The following FBXL17 variants were observed in gnomAD, a reference collection of about 807,000 sequenced individuals.
FBXL17 encodes the protein F-box/LRR-repeat protein 17.
Under a neutral mutation model 66.2 loss-of-function variants are expected in FBXL17, and 22 were observed. That is an observed-to-expected ratio of 0.33 (90% CI 0.24 to 0.47). The LOEUF (loss-of-function observed/expected upper bound fraction) is 0.47, where lower values mean the gene tolerates loss of function less well. Ranked by LOEUF, FBXL17 falls within the 20% of genes least tolerant of loss-of-function variation. FBXL17 has a pLI of 1.00. For synonymous variants in FBXL17, 474 were observed against 400.5 expected (o/e 1.18, Z -2.19); for missense variants, 878 against 948.2 (o/e 0.93, Z 0.97).
chr5:108,073,519 A>G (rs1748421129), intron 6 of FBXL17, among the ~76,000 whole-genome samples: 1 of 152,182 alleles, frequency 6.6e-6, no homozygotes, highest in African/African-American at 2.4e-5. Flanking sequence ...AAAAATAACC[A>G]AAACTAAAAA....
chr5:108,101,595 C>T (rs1749603012), intron 6 of FBXL17, among the ~76,000 whole-genome samples: 1 of 152,136 alleles, frequency 6.6e-6, no homozygotes, highest in Non-Finnish European at 1.5e-5. Flanking sequence ...ATTGAGTTAC[C>T]TCTGTGCCTT....
chr5:108,177,414 T>G (rs466018), intron 6 of FBXL17, among the ~76,000 whole-genome samples: 106,205 of 152,072 alleles, frequency 0.7, 37,482 homozygotes, highest in East Asian at 0.93. Context: ...ATATCCCATA[T>G]GGAAAAGCAA....
chr5:108,271,060 C>T (rs1430248604), intron 4 of FBXL17, among the ~76,000 whole-genome samples: 2 of 139,894 alleles, frequency 1.4e-5, no homozygotes, highest in Non-Finnish European at 3.1e-5. Flanking sequence ...ATGATGAAGA[C>T]AAATGATTTA....
Position 108,097,650 on chromosome 5 carries a change from G to A in FBXL17, c.1746-76649C>T, listed in dbSNP as rs12109600. Among the ~76,000 whole-genome samples, 1,410 of 152,122 alleles carry A rather than the reference G, an allele frequency of 9.3e-3. 16 individuals are homozygous for A. Among genetic ancestry groups the A allele is most frequent in the African/African-American group, 0.032 (1,345 of 41,516 alleles). ...CTAAAAACACAAAAATTAGCCGGGC[G>A]TGGTGGTGCACGCCTGTAATCCCAG... On this transcript the variant is annotated intron_variant, in intron 6 of 8. Transcript: ENST00000542267.
chr5:108,346,692 G>A (rs573793975), intron 4 of FBXL17, among the ~76,000 whole-genome samples: 155 of 152,232 alleles, frequency 1.0e-3, no homozygotes, highest in African/African-American at 3.5e-3. Flanking sequence ...TCTCCTGTAA[G>A]TCAGACTTCG....
intron 4 of FBXL17, among the ~76,000 whole-genome samples, chr5:108,304,614 C>CA: frequency 6.6e-6 from 1 of 152,006 alleles, no homozygotes; most frequent in Non-Finnish European, 1.5e-5. Flanking sequence ...CACCTATCTG[C>CA]AAGCCCTTTG....
At chr5:107,941,249 T>C (rs1031314498) in intron 7 of FBXL17, among the ~76,000 whole-genome samples, 1 of 152,166 alleles carries the variant, frequency 6.6e-6, no homozygotes, top group African/African-American at 2.4e-5. Flanking sequence ...TGAAAAGCCA[T>C]GGCATTTAAT....
chr5:107,965,607 CA>C (rs764404712), intron 7 of FBXL17, among the ~76,000 whole-genome samples: 36 of 152,096 alleles, frequency 2.4e-4, no homozygotes, highest in Non-Finnish European at 4.4e-4. Context: ...CATGCAAATG[CA>C]AAGCAGCTGG....
rs1301469524 is a variant in FBXL17, at chr5:108,286,922, G to GA, written c.1506+61476dup. 2.6e-5 allele frequency among the ~76,000 whole-genome samples: 4 copies of GA among 151,698 alleles called. No individual in the cohort carries two copies. In the South Asian group the frequency reaches 6.2e-4, roughly 24 times the overall value. ...TAACCAAAACAGCATTATACTGGTA[G>GA]AAAAAAGACACACAGACAAATGGAA... On this transcript the variant is annotated intron_variant, in intron 4 of 8. Coordinates refer to ENST00000542267, the MANE Select transcript of FBXL17 (RefSeq NM_001163315.3).
chr5:108,277,706 T>C (rs1219760554), intron 4 of FBXL17, among the ~76,000 whole-genome samples: 1 of 152,140 alleles, frequency 6.6e-6, no homozygotes, highest in Non-Finnish European at 1.5e-5. Context: ...TAACTTCCCC[T>C]AAAAAACAAA....
At chr5:108,354,656 A>C (rs1279705628) in intron 3 of FBXL17, among the ~76,000 whole-genome samples, 1 of 151,914 alleles carries the variant, frequency 6.6e-6, no homozygotes, top group Non-Finnish European at 1.5e-5. Context: ...ATGAAGGAAA[A>C]CTGCAAACAA....
chr5:107,867,470 C>T (rs538633336), intron 8 of FBXL17, among the ~76,000 whole-genome samples: 4 of 152,318 alleles, frequency 2.6e-5, no homozygotes, highest in Middle Eastern at 3.4e-3. Flanking sequence ...GGACGTGAGT[C>T]GGTTTCCAAA....
At chr5:108,376,413 T>G (rs1010227519) in intron 1 of FBXL17, among the ~76,000 whole-genome samples, 3 of 152,190 alleles carry the variant, frequency 2.0e-5, no homozygotes, top group Non-Finnish European at 4.4e-5. Context: ...TTAGAGCTAA[T>G]AAGCAAATAT....
rs1749793578 is a variant in FBXL17 at position 108,380,750 on chromosome 5, C to A, written c.942G>T (p.Pro314=). Residue 314 remains proline (P), a synonymous_variant, in exon 1 of 9, where the codon CCG becomes CCT. Transcript: ENST00000542267. ...GGTTGATGTCTGGGGTTTCGGGGGG[C>A]GGCTCCCTGTGACAGTCGCAGGGGT... is the stretch of plus-strand genomic sequence containing the variant. ...PENPCDCHRE[P]PPETPDINQL... The A allele has an allele frequency of 4.8e-6, 6 of 1,249,976 alleles. No individual in the cohort carries two copies. Among genetic ancestry groups the A allele is most frequent in the Non-Finnish European group, 6.1e-6 (6 of 989,562 alleles). The allele number at this position is 1,249,976 out of a possible 1,614,324, so 77.4% of individuals were successfully genotyped here. A position where few individuals can be genotyped will look rare whatever the true frequency, so the allele number is the denominator to read the frequency against.
At chr5:108,356,711 A>G (rs1748015986) in intron 3 of FBXL17, among the ~76,000 whole-genome samples, 1 of 152,094 alleles carries the variant, frequency 6.6e-6, no homozygotes, top group Non-Finnish European at 1.5e-5. Context: ...TTTTTAGAGC[A>G]GTGAAAATAC....
intron 7 of FBXL17, among the ~76,000 whole-genome samples, chr5:107,996,758 A>ATC (rs1753488134): frequency 6.6e-6 from 1 of 152,212 alleles, no homozygotes; most frequent in African/African-American, 2.4e-5. Context: ...GAGATTAAAA[A>ATC]ATGTGCCTGT....
At chr5:108,225,809 C>A (rs946452018) in intron 4 of FBXL17, among the ~76,000 whole-genome samples, 1 of 152,272 alleles carries the variant, frequency 6.6e-6, no homozygotes, top group Middle Eastern at 3.4e-3. Context: ...TTGTCACTAT[C>A]CTATCAATTA....
chr5:108,066,522 C>T (rs10035292), intron 6 of FBXL17, among the ~76,000 whole-genome samples: 78,145 of 151,508 alleles, frequency 0.52, 20,231 homozygotes, highest in Admixed American at 0.6. Context: ...AGAACTATAA[C>T]ACTATCTCTT....
chr5:108,039,594 CAT>C (rs1314130223), intron 6 of FBXL17, among the ~76,000 whole-genome samples: 3 of 152,008 alleles, frequency 2.0e-5, no homozygotes, highest in Non-Finnish European at 4.4e-5. Context: ...GTAAAATATT[CAT>C]AGTCAATATT....
Sources: gnomAD v4.1 joint callset for allele counts (sites outside exome capture counted in the v4.1 genomes callset) on GRCh38, gnomAD v4.1.1 for gene constraint, MANE v1.5 for transcripts, NCBI Gene and HGNC (gene_info 2026-07-23, HGNC 2026-07-21) for gene names.